The following ICA1L variants were observed in gnomAD, a reference collection of about 807,000 sequenced individuals.
ICA1L encodes islet cell autoantigen 1 like.
Under a neutral mutation model 61.3 loss-of-function variants are expected in ICA1L, and 50 were observed. The observed-to-expected ratio is 0.82, with a 90% confidence interval of 0.65 to 1.03. ICA1L has a LOEUF of 1.03. Ranked by LOEUF, ICA1L falls within the 50% of genes least tolerant of loss-of-function variation. The pLI is 0.00. For synonymous variants in ICA1L, 161 were observed against 191.3 expected (o/e 0.84, Z 1.31); for missense variants, 508 against 556.7 (o/e 0.91, Z 0.88).
At chr2:202,833,183 TA>T (rs1694059076) in intron 1 of ICA1L, among the ~76,000 whole-genome samples, 1 of 151,712 alleles carries the variant, frequency 6.6e-6, no homozygotes, top group Non-Finnish European at 1.5e-5. Context: ...CAGTTCTCAA[TA>T]AAAACAAAAA....
chr2:202,862,981 A>G (rs1413736213), intron 1 of ICA1L, among the ~76,000 whole-genome samples: 1 of 151,836 alleles, frequency 6.6e-6, no homozygotes, highest in East Asian at 1.9e-4. Context: ...AAAAGCTTAC[A>G]GCTTTAAATA....
intron 1 of ICA1L, among the ~76,000 whole-genome samples, chr2:202,864,627 A>ATATGTGTGTGTGTGTGTGTG (rs1553539140): frequency 2.0e-5 from 3 of 150,286 alleles, no homozygotes; most frequent in Non-Finnish European, 4.4e-5. Context: ...GTATATATAT[A>ATATGTGTGTGTGTGTGTGTG]TGTGTGTGTG....
chr2:202,846,628 T>C (rs1694470647), intron 1 of ICA1L, among the ~76,000 whole-genome samples: 1 of 152,178 alleles, frequency 6.6e-6, no homozygotes. Flanking sequence ...CACCCAACAC[T>C]GTAACAAGAC....
chr2:202,826,253 TTC>T (rs1693839321), intron 2 of ICA1L, among the ~76,000 whole-genome samples: 1 of 152,142 alleles, frequency 6.6e-6, no homozygotes, highest in African/African-American at 2.4e-5. Context: ...TATTTTTATA[TTC>T]TTTTTTTAGA....
Position 202,779,609 on chromosome 2 carries a change from T to A in ICA1L, c.1373A>T (p.Asn458Ile). Residue 458 changes from asparagine to isoleucine, a missense_variant, in exon 13 of 13, where the codon AAT (asparagine) becomes ATT (isoleucine). Asn to Ile is a moderately radical substitution (Grantham distance 149). Coordinates refer to ENST00000358299, the MANE Select transcript of ICA1L (RefSeq NM_001288622.3). ...AAGTGGATCCAAGTCTGCAAACAGATTGAACCAGGCTGACATGTCTTGGTT... is the reference window on the plus strand; with the variant it reads ...AAGTGGATCCAAGTCTGCAAACAGAATGAACCAGGCTGACATGTCTTGGTT... Reference protein sequence around the residue: ...NGNQDMSAWFNLFADLDPLSN... With the variant: ...NGNQDMSAWFILFADLDPLSN... 1 of 1,613,418 alleles carries A rather than the reference T, an allele frequency of 6.2e-7. No homozygotes were observed. The highest frequency in any genetic ancestry group is 8.5e-7 in the Non-Finnish European group (1 of 1,179,786).
chr2:202,828,271 A>G (rs1393737698), intron 2 of ICA1L, among the ~76,000 whole-genome samples: 1 of 152,034 alleles, frequency 6.6e-6, no homozygotes, highest in East Asian at 1.9e-4. Flanking sequence ...TCCAAAAAAA[A>G]AAAAAAAAAC....
At chr2:202,797,191 A>T (rs562119194) in intron 9 of ICA1L, among the ~76,000 whole-genome samples, 1 of 149,642 alleles carries the variant, frequency 6.7e-6, no homozygotes, top group African/African-American at 2.4e-5. Flanking sequence ...ACATAATACC[A>T]GAGGTATTCA....
intron 1 of ICA1L, among the ~76,000 whole-genome samples, chr2:202,865,136 C>T (rs1687453786): frequency 6.6e-6 from 1 of 150,930 alleles, no homozygotes; most frequent in African/African-American, 2.4e-5. Flanking sequence ...GCACTTCAGC[C>T]TGGGCGACAG....
chr2:202,821,373 G>T lies in ICA1L; in HGVS notation c.344C>A (p.Ser115Tyr). 1 of 1,613,344 alleles carries T rather than the reference G, an allele frequency of 6.2e-7. No individual in the cohort carries two copies. The highest frequency in any genetic ancestry group is 8.5e-7 in the Non-Finnish European group (1 of 1,179,766). Residue 115 changes from serine (S) to tyrosine (Y), a missense_variant, in exon 4 of 13, where the codon TCT (serine) becomes TAT (tyrosine). Coordinates refer to ENST00000358299, the MANE Select transcript of ICA1L (RefSeq NM_001288622.3). ...MMDATGKALC[S>Y]SAKQRLALCT... ...CATGGTAAACCTTTGCTTGGCTGAA[G>T]AACAAAGTGCCTTGCCAGTGGCATC...
At chr2:202,817,289 T>A (rs1479421628) in intron 6 of ICA1L, 129 bp downstream of exon 6, 3 of 787,664 alleles carry the variant, frequency 3.8e-6, no homozygotes, top group Non-Finnish European at 5.6e-6. Flanking sequence ...CTGACTTTCA[T>A]AACCTCAATA....
intron 1 of ICA1L, among the ~76,000 whole-genome samples, chr2:202,830,365 G>A (rs576203496): frequency 6.6e-6 from 1 of 152,162 alleles, no homozygotes; most frequent in South Asian, 2.1e-4. Flanking sequence ...CCAAGATCAC[G>A]CCACTGCACT....
intron 9 of ICA1L, among the ~76,000 whole-genome samples, chr2:202,806,627 C>G (rs1323157495): frequency 6.8e-6 from 1 of 147,554 alleles, no homozygotes; most frequent in Non-Finnish European, 1.5e-5. Flanking sequence ...ACGTGGCTGA[C>G]AGGAGTGAGA....
intron 9 of ICA1L, among the ~76,000 whole-genome samples, chr2:202,798,544 G>T (rs563406180): frequency 2.0e-4 from 30 of 152,258 alleles, no homozygotes; most frequent in Middle Eastern, 3.4e-3. Flanking sequence ...CCTGGACAAG[G>T]ATATGGTTTA....
At chr2:202,816,926 G>A (rs1338256182) in intron 6 of ICA1L, among the ~76,000 whole-genome samples, 1 of 152,176 alleles carries the variant, frequency 6.6e-6, no homozygotes, top group East Asian at 1.9e-4. Context: ...CAACTTGACA[G>A]AATGAAAAGA....
chr2:202,864,585 T>C (rs1188006394), intron 1 of ICA1L, among the ~76,000 whole-genome samples: 1 of 151,810 alleles, frequency 6.6e-6, no homozygotes, highest in East Asian at 1.9e-4. Context: ...TCTAATGTAG[T>C]AGTGTGTGTG....
At chr2:202,787,721 T>G (rs894720019) in intron 11 of ICA1L, among the ~76,000 whole-genome samples, 1 of 152,146 alleles carries the variant, frequency 6.6e-6, no homozygotes, top group African/African-American at 2.4e-5. Context: ...ATTAAGACAC[T>G]GTGAAGTGCC....
At chr2:202,798,496 C>T (rs1167810204) in intron 9 of ICA1L, among the ~76,000 whole-genome samples, 1 of 152,162 alleles carries the variant, frequency 6.6e-6, no homozygotes, top group Admixed American at 6.5e-5. Flanking sequence ...CCACCTTGGC[C>T]TCCCAAAGTG....
chr2:202,824,002 A>T (rs542620757), intron 3 of ICA1L, among the ~76,000 whole-genome samples: 9 of 152,358 alleles, frequency 5.9e-5, no homozygotes, highest in African/African-American at 2.2e-4. Flanking sequence ...ATTAATTTAC[A>T]TAGCTACATG....
chr2:202,819,539 G>T, intron 5 of ICA1L, 162 bp downstream of exon 5: 2 of 611,486 alleles, frequency 3.3e-6, no homozygotes, highest in Non-Finnish European at 2.9e-6. Flanking sequence ...AAAAATAAAA[G>T]TGTGACAAAC....
Sources: allele counts gnomAD v4.1 joint callset (sites outside exome capture counted in the v4.1 genomes callset), GRCh38; gene constraint gnomAD v4.1.1; transcripts MANE v1.5; gene names NCBI Gene and HGNC (gene_info 2026-07-23, HGNC 2026-07-21).